Variants in WDTC1 observed in about 807,000 individuals in gnomAD.
WDTC1 encodes WD and tetratricopeptide repeats 1.
In WDTC1, 12 loss-of-function variants were observed where a neutral mutation model predicts 76.0. That is an observed-to-expected ratio of 0.16 (90% CI 0.10 to 0.26). The LOEUF (loss-of-function observed/expected upper bound fraction) is 0.26, where lower values mean the gene tolerates loss of function less well. Ranked by LOEUF, WDTC1 falls within the 10% of genes least tolerant of loss-of-function variation. The pLI, the probability that WDTC1 is intolerant of heterozygous loss-of-function variation, is 1.00. For synonymous variants in WDTC1, 326 were observed against 350.8 expected, an observed-to-expected ratio of 0.93 and a Z score of 0.79; for missense variants, 511 against 908.8, an observed-to-expected ratio of 0.56 and a Z score of 5.63.
At chr1:27,275,858 AC>A (rs1194413281) in intron 3 of WDTC1, among the ~76,000 whole-genome samples, 17 of 152,148 alleles carry the variant, frequency 1.1e-4, no homozygotes, top group Admixed American at 1.1e-3. Context: ...TGTTTTCATC[AC>A]CCCAAAAAGG....
intron 7 of WDTC1, among the ~76,000 whole-genome samples, chr1:27,293,348 C>T (rs1354384178): frequency 6.7e-6 from 1 of 149,712 alleles, no homozygotes; most frequent in African/African-American, 2.5e-5. Context: ...AGGAGAATGG[C>T]GTCAACCTGG....
intron 5 of WDTC1, 79 bp downstream of exon 5, chr1:27,283,528 G>T: frequency 7.5e-7 from 1 of 1,327,768 alleles, no homozygotes; most frequent in South Asian, 1.2e-5. Context: ...ACGCCATGTT[G>T]GTATGTGTGT....
chr1:27,247,712 C>CTTTTTT (rs35930144), intron 1 of WDTC1, among the ~76,000 whole-genome samples: 5 of 136,560 alleles, frequency 3.7e-5, no homozygotes, highest in Non-Finnish European at 3.2e-5. Flanking sequence ...CATTTTCTTT[C>CTTTTTT]TTTTTTTTTT....
chr1:27,288,876 AGACGGG>A (rs2013425601), intron 6 of WDTC1, among the ~76,000 whole-genome samples: 1 of 152,114 alleles, frequency 6.6e-6, no homozygotes, highest in Non-Finnish European at 1.5e-5. Context: ...TACACCTCCC[AGACGGG>A]GTGGTGGCCA....
chr1:27,255,849 G>A (rs139764402), intron 1 of WDTC1, among the ~76,000 whole-genome samples: 1 of 152,140 alleles, frequency 6.6e-6, no homozygotes, highest in East Asian at 1.9e-4. Context: ...GATTACAGGC[G>A]TGAACCACCA....
In WDTC1 at chr1:27,287,766, C is replaced by T. The variant is rs2013383834; in HGVS notation, c.384C>T (p.His128=). The part of the protein sequence containing the change: ...VHDLTVKETI[H]MFGDHTNRVK... ...ACCTGACAGTAAAGGAGACCATCCACATGTTTGGAGACCACACAAACCGGG... is the reference window on the plus strand; with the variant it reads ...ACCTGACAGTAAAGGAGACCATCCATATGTTTGGAGACCACACAAACCGGG... The change falls in exon 6 of 16, where the codon CAC becomes CAT. Residue 128 remains histidine (H), a synonymous_variant. Coordinates refer to ENST00000319394, the MANE Select transcript of WDTC1 (RefSeq NM_001276252.2). 3 of 1,614,040 alleles carry T rather than the reference C, an allele frequency of 1.9e-6. No homozygotes were observed. Among genetic ancestry groups the T allele is most frequent in the African/African-American group, 2.7e-5 (2 of 74,924 alleles).
At chr1:27,297,904 T>C in intron 11 of WDTC1, 34 bp from the exon 12 acceptor site, 1 of 1,574,938 alleles carries the variant, frequency 6.3e-7, no homozygotes. Flanking sequence ...TGACCTTCTT[T>C]GACTGTTCTG....
chr1:27,271,856 C>T (rs1477146198), intron 3 of WDTC1, among the ~76,000 whole-genome samples: 1 of 148,962 alleles, frequency 6.7e-6, no homozygotes, highest in Non-Finnish European at 1.5e-5. Context: ...AGGCTGGTCT[C>T]GAACTCCCGG....
At chr1:27,296,505 C>A in intron 10 of WDTC1, 104 bp downstream of exon 10, 1 of 1,210,960 alleles carries the variant, frequency 8.3e-7, no homozygotes, top group Non-Finnish European at 1.2e-6. Flanking sequence ...CGTGATCCTC[C>A]AAAAATAGCA....
chr1:27,301,124 A>T lies in WDTC1; in HGVS notation c.1233-102A>T. 1.0e-6 allele frequency: 1 copy of T among 968,280 alleles called. No individual in the cohort carries two copies. Among genetic ancestry groups the T allele is most frequent in the Non-Finnish European group, 1.6e-6 (1 of 635,182 alleles). 60.0% of individuals were successfully genotyped at this position (968,280 alleles called of 1,614,324 possible). A position where few individuals can be genotyped will look rare whatever the true frequency, so the allele number is the denominator to read the frequency against. ...AAGTCCCCTTGCCATGAGATCTGTCAGTGGTGGGCTGGGGTGGCCACAGGA... is the reference window on the plus strand; with the variant it reads ...AAGTCCCCTTGCCATGAGATCTGTCTGTGGTGGGCTGGGGTGGCCACAGGA... On this transcript the variant is annotated intron_variant, in intron 12 of 15. Coordinates refer to ENST00000319394, the MANE Select transcript of WDTC1 (RefSeq NM_001276252.2). The surrounding 1 kb of genome is among the most constrained non-coding windows in gnomAD (Gnocchi z 5.8).
Position 27,306,731 on chromosome 1 carries a change from G to A in WDTC1, c.*348G>A. The stretch of plus-strand genomic sequence containing the variant: ...AGGAACAAGCTGAACTGTCTTCAGG[G>A]ACTGTCCTGCCCTTTAGCTGGCAGC... On this transcript the variant is annotated 3_prime_UTR_variant, in exon 16 of 16. Transcript: ENST00000319394. The surrounding 1 kb of genome is among the most constrained non-coding windows in gnomAD (Gnocchi z 5.0). 3.0e-6 allele frequency: 1 copy of A among 335,886 alleles called. No homozygotes were observed. Among genetic ancestry groups the A allele is most frequent in the Admixed American group, 4.4e-5 (1 of 22,762 alleles). The allele number at this position is 335,886 out of a possible 1,614,324, so 20.8% of individuals were successfully genotyped here.
intron 6 of WDTC1, 117 bp from the exon 7 acceptor site, chr1:27,292,098 T>G: frequency 8.9e-7 from 1 of 1,118,438 alleles, no homozygotes; most frequent in Non-Finnish European, 1.2e-6. Context: ...ACATTCTTAT[T>G]TAGAAACAGG....
chr1:27,285,753 A>G (rs2013315550), intron 5 of WDTC1, among the ~76,000 whole-genome samples: 1 of 151,284 alleles, frequency 6.6e-6, no homozygotes, highest in African/African-American at 2.4e-5. Context: ...CACCCGGCTA[A>G]TTTTTTGTAT....
intron 1 of WDTC1, among the ~76,000 whole-genome samples, chr1:27,245,723 C>T (rs1295491677): frequency 6.6e-6 from 1 of 151,372 alleles, no homozygotes; most frequent in Admixed American, 6.6e-5. Flanking sequence ...GTGCCTGCCA[C>T]CATGCACAGC....
chr1:27,253,499 C>CTTCT (rs1296062211), intron 1 of WDTC1, among the ~76,000 whole-genome samples: 1 of 139,414 alleles, frequency 7.2e-6, no homozygotes, highest in Non-Finnish European at 1.5e-5. Flanking sequence ...CTTCTTTCTT[C>CTTCT]TTCTTTCTTT....
intron 1 of WDTC1, among the ~76,000 whole-genome samples, chr1:27,246,862 ATTTTTTTTTT>A (rs557734769): frequency 1.1e-5 from 1 of 89,210 alleles, no homozygotes; most frequent in Non-Finnish European, 2.3e-5. Context: ...ACGCCCAGCC[ATTTTTTTTTT>A]TTTTTTTTTT....
At chr1:27,296,105 A>G (rs4970517) in intron 9 of WDTC1, among the ~76,000 whole-genome samples, 130,955 of 152,064 alleles carry the variant, frequency 0.86, 57,920 homozygotes, top group East Asian at 0.98. Flanking sequence ...TTCAAGCAGG[A>G]CTTTGGGTAG....
chr1:27,305,219 G>A lies in WDTC1; in HGVS notation c.1836+26G>A, dbSNP rs916037087. 14 of 1,607,096 alleles carry A rather than the reference G, an allele frequency of 8.7e-6. No homozygotes were observed. Among genetic ancestry groups the A allele is most frequent in the African/African-American group, 4.0e-5 (3 of 74,806 alleles). On this transcript the variant is annotated intron_variant, in intron 15 of 15. Coordinates refer to ENST00000319394, the MANE Select transcript of WDTC1 (RefSeq NM_001276252.2). This position sits in a 1 kb window ranked among gnomAD's most constrained non-coding sequence, Gnocchi z 4.6. ...GTGAGGGTGCAGAGCCAAGCAGAGA[G>A]GAGGGCAGGGACTCTGTGGAAGGCT...
At chr1:27,249,314 C>A (rs1007833753) in intron 1 of WDTC1, among the ~76,000 whole-genome samples, 13 of 151,838 alleles carry the variant, frequency 8.6e-5, no homozygotes, top group Non-Finnish European at 1.6e-4. Context: ...CTCTATCCCC[C>A]CATTCCCTTC....
Sources: gnomAD v4.1 joint callset for allele counts (sites outside exome capture counted in the v4.1 genomes callset) on GRCh38, gnomAD v4.1.1 for gene constraint, Gnocchi (gnomAD v3.1) non-coding constraint, MANE v1.5 for transcripts, NCBI Gene and HGNC (gene_info 2026-07-23, HGNC 2026-07-21) for gene names.